Variants in COQ10B observed in about 807,000 individuals in gnomAD.
COQ10B encodes coenzyme Q-binding protein COQ10 homolog B, mitochondrial.
A neutral mutation model predicts 27.6 loss-of-function variants in COQ10B; 12 were observed. That is an observed-to-expected ratio of 0.43 (90% CI 0.28 to 0.70). The LOEUF is 0.70. COQ10B is among the 30% of genes least tolerant of loss of function. The pLI, the probability that COQ10B is intolerant of heterozygous loss-of-function variation, is 0.17. For synonymous variants in COQ10B, 115 were observed against 103.0 expected (o/e 1.12, Z -0.71); for missense variants, 278 against 288.7 (o/e 0.96, Z 0.27).
At chr2:197,460,311 C>T (rs2085743656) in intron 2 of COQ10B, among the ~76,000 whole-genome samples, 1 of 151,094 alleles carries the variant, frequency 6.6e-6, no homozygotes, top group Non-Finnish European at 1.5e-5. Flanking sequence ...AAGAGATTCT[C>T]CTGCCTTAGC....
chr2:197,471,399 C>G (rs1305296736), intron 4 of COQ10B, among the ~76,000 whole-genome samples: 3 of 152,074 alleles, frequency 2.0e-5, no homozygotes, highest in Non-Finnish European at 4.4e-5. Flanking sequence ...ACCTTGGCCT[C>G]CCAAAGTGCT....
intron 1 of COQ10B, among the ~76,000 whole-genome samples, chr2:197,457,457 A>C (rs2106045446): frequency 6.6e-6 from 1 of 152,314 alleles, no homozygotes; most frequent in Non-Finnish European, 1.5e-5. Context: ...TTATAAAATC[A>C]ACTACTACTT....
rs1182984879 is a variant in COQ10B at position 197,473,833 on chromosome 2, T to C, written c.626T>C (p.Val209Ala). 1 of 1,605,164 alleles carries C rather than the reference T, an allele frequency of 6.2e-7. No homozygotes were observed. The highest frequency in any genetic ancestry group is 1.1e-5 in the South Asian group (1 of 89,968). The stretch of plus-strand genomic sequence containing the variant: ...TTTGATGAAGTTGTGAAGCAGATGG[T>C]AGCTGCCTTTGAAAGAAGAGCATGT... ...LFFDEVVKQM[V>A]AAFERRACKL... The change falls in exon 5 of 5, where the codon GTA becomes GCA. Residue 209 changes from valine to alanine, a missense_variant. Transcript: ENST00000263960.
intron 1 of COQ10B, chr2:197,454,228 T>A: frequency 8.1e-7 from 1 of 1,240,520 alleles, no homozygotes. Context: ...TGAAGCATAG[T>A]CAGCTTTCGA....
intron 1 of COQ10B, 146 bp downstream of exon 1, chr2:197,453,810 C>T (rs1396458102): frequency 4.9e-6 from 5 of 1,013,382 alleles, no homozygotes; most frequent in Non-Finnish European, 7.2e-6. Flanking sequence ...TTGCGTTTGG[C>T]ATCTGAGGGA....
chr2:197,473,368 A>G (rs1456471637), intron 4 of COQ10B, among the ~76,000 whole-genome samples: 1 of 145,596 alleles, frequency 6.9e-6, no homozygotes, highest in Admixed American at 7.0e-5. Flanking sequence ...AGCCTGGGCA[A>G]CATGGCAAAA....
intron 3 of COQ10B, among the ~76,000 whole-genome samples, chr2:197,463,950 AAAAAAAAAAAAAAAAT>A: frequency 2.6e-5 from 2 of 77,516 alleles, no homozygotes; most frequent in Non-Finnish European, 2.4e-5. Context: ...AAAAAAAAAA[AAAAAAAAAAAAAAAAT>A]ATATATATAT....
At chr2:197,472,813 A>AG (rs1039491479) in intron 4 of COQ10B, among the ~76,000 whole-genome samples, 2 of 151,466 alleles carry the variant, frequency 1.3e-5, no homozygotes. Context: ...AAAAAAAAAA[A>AG]AAAAAAAAGA....
chr2:197,466,872 T>C (rs952877824), intron 3 of COQ10B, among the ~76,000 whole-genome samples: 13 of 152,054 alleles, frequency 8.5e-5, no homozygotes, highest in African/African-American at 3.1e-4. Flanking sequence ...CACATAATAA[T>C]GCTAGTTTGT....
rs899655501 is a variant in COQ10B, at chr2:197,473,667, C to T, written c.550-90C>T. 4.3e-6 allele frequency: 4 copies of T among 924,396 alleles called. No individual in the cohort carries two copies. In the East Asian group the frequency reaches 1.2e-4, roughly 28 times the overall value. The allele number at this position is 924,396 out of a possible 1,614,324, so 57.3% of individuals were successfully genotyped here. On this transcript the variant is annotated intron_variant, in intron 4 of 4. Coordinates refer to ENST00000263960, the MANE Select transcript of COQ10B (RefSeq NM_025147.5). ...TGCCACTGCACTCCAACCTGGGCAA[C>T]AAAGCGAGAGTCCCTCTCCAGGAAA...
chr2:197,467,516 T>C (rs1208665969), intron 3 of COQ10B, among the ~76,000 whole-genome samples: 1 of 152,160 alleles, frequency 6.6e-6, no homozygotes, highest in East Asian at 1.9e-4. Context: ...TAGCTGGGAT[T>C]AAAGGCATGC....
intron 2 of COQ10B, among the ~76,000 whole-genome samples, chr2:197,461,089 C>T (rs2085752478): frequency 1.3e-5 from 2 of 152,154 alleles, no homozygotes; most frequent in Non-Finnish European, 2.9e-5. Context: ...CCCTATTTTT[C>T]TGTAGTAAAA....
chr2:197,467,400 G>A, intron 3 of COQ10B, among the ~76,000 whole-genome samples: 1 of 151,588 alleles, frequency 6.6e-6, no homozygotes, highest in African/African-American at 2.4e-5. Context: ...TGATTAAGAT[G>A]GAGTTTCGCT....
chr2:197,467,579 G>A (rs555999800), intron 3 of COQ10B, among the ~76,000 whole-genome samples: 11 of 152,148 alleles, frequency 7.2e-5, no homozygotes, highest in African/African-American at 2.7e-4. Flanking sequence ...GTTTCTCCCT[G>A]TTGGTCAGGC....
chr2:197,467,325 TTTGATTGA>T (rs536980223), intron 3 of COQ10B, among the ~76,000 whole-genome samples: 2 of 151,162 alleles, frequency 1.3e-5, no homozygotes, highest in East Asian at 3.9e-4. Context: ...AGGTTCTGGA[TTTGATTGA>T]TTGATTGATT....
At chr2:197,466,727 A>G (rs185871150) in intron 3 of COQ10B, among the ~76,000 whole-genome samples, 1 of 152,290 alleles carries the variant, frequency 6.6e-6, no homozygotes, top group Non-Finnish European at 1.5e-5. Context: ...GATCATAGCT[A>G]TCTCAATTTT....
chr2:197,465,248 A>G (rs1172383629), intron 3 of COQ10B, among the ~76,000 whole-genome samples: 1 of 147,300 alleles, frequency 6.8e-6, no homozygotes. Flanking sequence ...AATAAACCTC[A>G]TTTTTTCCTC....
At chr2:197,463,964 AATATATATATATATATAT>A (rs879356506) in intron 3 of COQ10B, among the ~76,000 whole-genome samples, 1 of 28,200 alleles carries the variant, frequency 3.5e-5, no homozygotes, top group Non-Finnish European at 6.1e-5. Context: ...AAAAAAAAAA[AATATATATATATATATAT>A]ATATATATAT....
At chr2:197,457,092 C>G (rs907627613) in intron 1 of COQ10B, among the ~76,000 whole-genome samples, 1 of 152,124 alleles carries the variant, frequency 6.6e-6, no homozygotes, top group Non-Finnish European at 1.5e-5. Flanking sequence ...CTAGATTCCT[C>G]GCATGTGCAG....
Sources: allele counts gnomAD v4.1 joint callset (sites outside exome capture counted in the v4.1 genomes callset), GRCh38; gene constraint gnomAD v4.1.1; transcripts MANE v1.5; gene names NCBI Gene and HGNC (gene_info 2026-07-23, HGNC 2026-07-21).